MGA: variants seen among roughly 807,000 people sequenced by gnomAD.
The protein encoded by MGA is MAX dimerization protein MGA.
MGA carries 40 observed loss-of-function variants against 261.1 expected under a neutral mutation model. That is an observed-to-expected ratio of 0.15 (90% CI 0.12 to 0.20). The LOEUF (loss-of-function observed/expected upper bound fraction) is 0.20. Ranked by LOEUF, MGA falls within the 10% of genes least tolerant of loss-of-function variation. The pLI, the probability that MGA is intolerant of heterozygous loss-of-function variation, is 1.00. For missense variants in MGA, 3,397 were observed against 3,630.5 expected, an observed-to-expected ratio of 0.94 and a Z score of 1.65; for synonymous variants, 1,302 against 1,290.6, an observed-to-expected ratio of 1.01 and a Z score of -0.19.
intron 18 of MGA, among the ~76,000 whole-genome samples, chr15:41,756,888 C>T (rs2063182160): frequency 6.6e-6 from 1 of 152,012 alleles, no homozygotes; most frequent in Non-Finnish European, 1.5e-5. Flanking sequence ...GCTACTGTGC[C>T]TGGCCTTCAG....
chr15:41,735,614 A>G (rs759933017), intron 12 of MGA, among the ~76,000 whole-genome samples: 25 of 152,116 alleles, frequency 1.6e-4, no homozygotes, highest in Non-Finnish European at 2.9e-4. Context: ...GCACGCGTCC[A>G]TAATCTCAGC....
Position 41,742,934 on chromosome 15 carries a change from G to T in MGA, c.4974G>T (p.Val1658=). ...CATCTACCCAGTCTACAGCCACTGT[G>T]AACCTTACCAAAACCACTGGGATAA... The change falls in exon 15 of 24, where the codon GTG becomes GTT. Residue 1658 remains valine, a synonymous_variant. Coordinates refer to ENST00000219905, the MANE Select transcript of MGA (RefSeq NM_001164273.2). 6.2e-7 allele frequency: 1 copy of T among 1,613,988 alleles called. No homozygotes were observed. The highest frequency in any genetic ancestry group is 8.5e-7 in the Non-Finnish European group (1 of 1,179,888).
chr15:41,653,734 A>C (rs1371274727), intron 1 of MGA, among the ~76,000 whole-genome samples: 1 of 151,996 alleles, frequency 6.6e-6, no homozygotes, highest in Non-Finnish European at 1.5e-5. Flanking sequence ...AAAAAGAAAA[A>C]AAAAACCCTT....
At chr15:41,641,710 G>A (rs776163079) in intron 1 of MGA, among the ~76,000 whole-genome samples, 3 of 151,322 alleles carry the variant, frequency 2.0e-5, no homozygotes, top group East Asian at 1.9e-4. Flanking sequence ...GGATGGTCTC[G>A]ATCTCTTGAC....
chr15:41,673,650 C>A (rs2151002838), intron 2 of MGA, among the ~76,000 whole-genome samples: 1 of 142,638 alleles, frequency 7.0e-6, no homozygotes, highest in East Asian at 2.1e-4. Context: ...TCAAGTGATT[C>A]TCCTGCCTCA....
chr15:41,744,969 C>G (rs933129843), intron 15 of MGA, among the ~76,000 whole-genome samples: 2 of 152,200 alleles, frequency 1.3e-5, no homozygotes, highest in Non-Finnish European at 2.9e-5. Flanking sequence ...ACCTCCGCCT[C>G]CCAGGTTCAA....
At chr15:41,655,090 T>A (rs970509214) in intron 1 of MGA, among the ~76,000 whole-genome samples, 4 of 152,126 alleles carry the variant, frequency 2.6e-5, no homozygotes, top group Non-Finnish European at 5.9e-5. Flanking sequence ...ACCCAAATCC[T>A]CAGATGCTCA....
chr15:41,665,568 G>A (rs2057685674), intron 1 of MGA, among the ~76,000 whole-genome samples: 1 of 152,064 alleles, frequency 6.6e-6, no homozygotes, highest in South Asian at 2.1e-4. Flanking sequence ...GAGTCTCACT[G>A]TGTTTTCCAG....
chr15:41,749,737 A>C lies in MGA; in HGVS notation c.6130A>C (p.Thr2044Pro). ...ATGCCTTCCAGAAGAAGGTTGTGCA[A>C]CTGTCAAACCATCTGAGCATTCCTG... is the stretch of plus-strand genomic sequence containing the variant. The change falls in exon 17 of 24, where the codon ACT becomes CCT. Residue 2044 changes from threonine to proline, a missense_variant. Physicochemically the swap from Thr to Pro is conservative, Grantham distance 38. Transcript: ENST00000219905. The C allele has an allele frequency of 6.2e-7, 1 of 1,614,028 alleles. No homozygotes were observed. The highest frequency in any genetic ancestry group is 1.1e-5 in the South Asian group (1 of 91,084).
chr15:41,685,874 G>A (rs879456425), intron 2 of MGA, among the ~76,000 whole-genome samples: 27 of 151,764 alleles, frequency 1.8e-4, no homozygotes, highest in Admixed American at 1.5e-3. Flanking sequence ...GTGTGGTTGC[G>A]GGCACCTGTA....
intron 1 of MGA, among the ~76,000 whole-genome samples, chr15:41,661,754 G>A (rs2057417338): frequency 2.0e-5 from 3 of 152,162 alleles, no homozygotes; most frequent in African/African-American, 7.2e-5. Context: ...CGTTCTTTTT[G>A]GGCACGATGC....
chr15:41,734,887 C>T (rs527874203), intron 12 of MGA, among the ~76,000 whole-genome samples: 2 of 151,888 alleles, frequency 1.3e-5, no homozygotes, highest in South Asian at 2.1e-4. Context: ...TCTTTCCAAA[C>T]CCCAGTAATA....
intron 9 of MGA, among the ~76,000 whole-genome samples, chr15:41,726,089 C>A (rs928815200): frequency 6.6e-6 from 1 of 152,084 alleles, no homozygotes; most frequent in Non-Finnish European, 1.5e-5. Flanking sequence ...GGTTTCATTG[C>A]GTCTATATTG....
At chr15:41,666,755 C>T (rs2057763221) in intron 1 of MGA, among the ~76,000 whole-genome samples, 2 of 152,102 alleles carry the variant, frequency 1.3e-5, no homozygotes, top group Admixed American at 1.3e-4. Context: ...ATTTGTTTTA[C>T]CATTTTAAGG....
At chr15:41,762,460 GGTTTTT>G (rs1353174573) in intron 22 of MGA, 98 bp downstream of exon 22, 21 of 190,552 alleles carry the variant, frequency 1.1e-4, no homozygotes, top group African/African-American at 7.1e-4. Context: ...AGTTTTGTGT[GGTTTTT>G]TTTTTTTTTT....
intron 1 of MGA, among the ~76,000 whole-genome samples, chr15:41,647,852 A>G (rs2056965229): frequency 6.6e-6 from 1 of 152,140 alleles, no homozygotes; most frequent in South Asian, 2.1e-4. Context: ...TGATTAAGGT[A>G]TATCTTTCTC....
intron 9 of MGA, chr15:41,718,692 A>T (rs923065596): frequency 2.1e-5 from 5 of 233,226 alleles, no homozygotes; most frequent in Admixed American, 1.1e-4. Flanking sequence ...TGATTAAGAG[A>T]TATTTTTGAA....
At chr15:41,684,432 C>T (rs1201202511) in intron 2 of MGA, 2 of 447,106 alleles carry the variant, frequency 4.5e-6, no homozygotes, top group Admixed American at 2.5e-5. Flanking sequence ...GAAGAGACTT[C>T]TCAGAAGAAT....
rs1451797848 is a variant in MGA, at chr15:41,726,138, CT to C, written c.3431-1038del. On this transcript the variant is annotated intron_variant, in intron 9 of 23. Transcript: ENST00000219905. ...TACTCCTGTACTGAGTTCAGGCTGT[CT>C]TTTGATTACAATTTGTTATTAGAAT... Among the ~76,000 whole-genome samples, 3 of 152,098 alleles carry C rather than the reference CT, an allele frequency of 2.0e-5. No homozygotes were observed. The East Asian group carries it at 5.8e-4, about 29-fold the overall frequency.
Sources: allele counts gnomAD v4.1 joint callset (sites outside exome capture counted in the v4.1 genomes callset), GRCh38; gene constraint gnomAD v4.1.1; transcripts MANE v1.5; gene names NCBI Gene and HGNC (gene_info 2026-07-23, HGNC 2026-07-21).